FAM20B: variants seen among roughly 807,000 people sequenced by gnomAD.
FAM20B encodes glycosaminoglycan xylosylkinase.
Under a neutral mutation model 43.8 loss-of-function variants are expected in FAM20B, and 23 were observed. That is an observed-to-expected ratio of 0.53 (90% CI 0.38 to 0.74). The LOEUF (loss-of-function observed/expected upper bound fraction) is 0.74. Ranked by LOEUF, FAM20B falls within the 30% of genes least tolerant of loss-of-function variation. The pLI, the probability that FAM20B is intolerant of heterozygous loss-of-function variation, is 0.00. For missense variants in FAM20B, 440 were observed against 510.5 expected, an observed-to-expected ratio of 0.86 and a Z score of 1.33; for synonymous variants, 178 against 192.4, an observed-to-expected ratio of 0.93 and a Z score of 0.62.
intron 6 of FAM20B, 67 bp from the exon 7 acceptor site, chr1:179,066,733 A>G (rs1470629346): frequency 1.0e-5 from 11 of 1,056,622 alleles, no homozygotes; most frequent in South Asian, 7.7e-5. Flanking sequence ...AGAATTTGCT[A>G]TTGCTTTGAT....
At chr1:179,021,652 A>G (rs1649605906), upstream of FAM20B, among the ~76,000 whole-genome samples, 1 of 152,214 alleles carries the variant, frequency 6.6e-6, no homozygotes, top group Non-Finnish European at 1.5e-5. Flanking sequence ...GAAATCTAAC[A>G]TATCCATTAA....
chr1:179,037,236 G>A (rs1650275813), intron 1 of FAM20B, among the ~76,000 whole-genome samples: 1 of 152,190 alleles, frequency 6.6e-6, no homozygotes, highest in Non-Finnish European at 1.5e-5. Flanking sequence ...AAGGTGATGA[G>A]CACTGAAGTT....
At chr1:179,031,685 G>C (rs1650021546) in intron 1 of FAM20B, among the ~76,000 whole-genome samples, 1 of 152,196 alleles carries the variant, frequency 6.6e-6, no homozygotes, top group African/African-American at 2.4e-5. Context: ...AGTGAAAACA[G>C]TAAGGAAAAC....
At chr1:179,066,696 A>T in intron 6 of FAM20B, 104 bp from the exon 7 acceptor site, 1 of 785,276 alleles carries the variant, frequency 1.3e-6, no homozygotes, top group Non-Finnish European at 2.2e-6. Context: ...GCGTGAAATT[A>T]TCTAGGATCA....
chr1:179,022,448 CTGTG>C (rs147225409), upstream of FAM20B, among the ~76,000 whole-genome samples: 1 of 151,886 alleles, frequency 6.6e-6, no homozygotes, highest in Non-Finnish European at 1.5e-5. Flanking sequence ...AAAAGAAACT[CTGTG>C]TGTGTGTGTG....
upstream of FAM20B, among the ~76,000 whole-genome samples, chr1:179,022,257 G>T (rs984593076): frequency 3.9e-5 from 6 of 152,210 alleles, no homozygotes; most frequent in African/African-American, 1.4e-4. Context: ...CATGCTCCTG[G>T]AAGGAAACAG....
chr1:179,036,562 T>C (rs116251307), intron 1 of FAM20B, among the ~76,000 whole-genome samples: 64 of 152,300 alleles, frequency 4.2e-4, no homozygotes, highest in African/African-American at 1.5e-3. Flanking sequence ...TTTGCGTTTA[T>C]TTCCTTAGTG....
chr1:179,042,471 A>G (rs986727907), intron 1 of FAM20B, among the ~76,000 whole-genome samples: 1 of 152,214 alleles, frequency 6.6e-6, no homozygotes, highest in Non-Finnish European at 1.5e-5. Flanking sequence ...TCAGAACCCC[A>G]AAGAGGATGT....
chr1:179,050,282 T>C lies in FAM20B; in HGVS notation c.381T>C (p.Tyr127=), dbSNP rs770460238. ...GTGCTTCCCATTCACTTTGCAGGTA[T>C]AGCCGAGACCATGTGGTGGAAGGGG... is the stretch of plus-strand genomic sequence containing the variant. ...GQKVVFKPKR[Y]SRDHVVEGEP... is the part of the protein sequence containing the mutation. Residue 127 remains tyrosine (Y), a synonymous_variant, in exon 3 of 8, where the codon TAT becomes TAC. Coordinates refer to ENST00000263733, the MANE Select transcript of FAM20B (RefSeq NM_014864.4). The C allele has an allele frequency of 1.2e-5, 20 of 1,612,618 alleles. No individual in the cohort carries two copies. The highest frequency in any genetic ancestry group is 1.6e-4 in the Middle Eastern group (1 of 6,078).
chr1:179,027,683 TAA>T (rs1459235470), intron 1 of FAM20B, among the ~76,000 whole-genome samples: 11 of 152,210 alleles, frequency 7.2e-5, no homozygotes, highest in Non-Finnish European at 1.6e-4. Context: ...TGGATACAGG[TAA>T]AAGATGATCA....
intron 2 of FAM20B, among the ~76,000 whole-genome samples, chr1:179,047,822 C>G (rs1366653593): frequency 2.6e-5 from 4 of 152,176 alleles, no homozygotes; most frequent in Non-Finnish European, 5.9e-5. Context: ...CTCTGATGTC[C>G]TTCAGCAGAA....
intron 7 of FAM20B, among the ~76,000 whole-genome samples, chr1:179,069,624 G>A (rs940937901): frequency 6.6e-6 from 1 of 152,076 alleles, no homozygotes; most frequent in Non-Finnish European, 1.5e-5. Context: ...CGTCCGCCTT[G>A]GCCTCCCAAA....
intron 7 of FAM20B, among the ~76,000 whole-genome samples, chr1:179,069,406 T>C (rs988762595): frequency 6.6e-6 from 1 of 152,234 alleles, no homozygotes; most frequent in African/African-American, 2.4e-5. Flanking sequence ...AGTCTCGCTC[T>C]GTCGCCCAGG....
At chr1:179,064,887 A>C (rs1651625407) in intron 6 of FAM20B, among the ~76,000 whole-genome samples, 1 of 152,220 alleles carries the variant, frequency 6.6e-6, no homozygotes, top group Non-Finnish European at 1.5e-5. Context: ...CCTGCAATTA[A>C]AAAATTAATT....
chr1:179,040,488 G>T (rs1650446390), intron 1 of FAM20B, among the ~76,000 whole-genome samples: 2 of 146,032 alleles, frequency 1.4e-5, no homozygotes, highest in Admixed American at 1.4e-4. Flanking sequence ...CGGGCGGGGG[G>T]CTGACCCCCC....
chr1:179,066,330 T>C (rs577028336), intron 6 of FAM20B, among the ~76,000 whole-genome samples: 1 of 152,332 alleles, frequency 6.6e-6, no homozygotes, highest in South Asian at 2.1e-4. Flanking sequence ...TCTGTACTTA[T>C]ACTTACTTGT....
intron 3 of FAM20B, among the ~76,000 whole-genome samples, chr1:179,050,844 A>C (rs1020353391): frequency 2.0e-5 from 3 of 152,230 alleles, no homozygotes; most frequent in Admixed American, 6.5e-5. Context: ...GGAAAGGGCC[A>C]GGCGTAGTGG....
At chr1:179,037,679 G>A (rs150679297) in intron 1 of FAM20B, among the ~76,000 whole-genome samples, 16 of 151,892 alleles carry the variant, frequency 1.1e-4, no homozygotes, top group Non-Finnish European at 2.2e-4. Flanking sequence ...TAGAGATGGG[G>A]TTTCGCCGTG....
intron 2 of FAM20B, among the ~76,000 whole-genome samples, chr1:179,045,802 G>T (rs1056472831): frequency 2.6e-5 from 4 of 151,776 alleles, no homozygotes; most frequent in Non-Finnish European, 5.9e-5. Flanking sequence ...GGGAGGATGG[G>T]AAGATTGCTT....
Sources: allele counts gnomAD v4.1 joint callset (sites outside exome capture counted in the v4.1 genomes callset), GRCh38; gene constraint gnomAD v4.1.1; transcripts MANE v1.5; gene names NCBI Gene and HGNC (gene_info 2026-07-23, HGNC 2026-07-21).